PRKG1: variants seen among roughly 807,000 people sequenced by gnomAD.
PRKG1 encodes protein kinase cGMP-dependent 1, also known as cGMP-dependent protein kinase 1.
PRKG1 carries 35 observed loss-of-function variants against 88.1 expected under a neutral mutation model. The observed-to-expected ratio is 0.40, with a 90% CI of 0.30 to 0.53. The LOEUF is 0.53. Among genes scored for constraint, PRKG1 ranks in the 20% least tolerant of loss-of-function variants. The pLI, the probability that PRKG1 is intolerant of heterozygous loss-of-function variation, is 0.59. For synonymous variants in PRKG1, 303 were observed against 292.5 expected (o/e 1.04, Z -0.37); for missense variants, 540 against 839.8 (o/e 0.64, Z 4.41).
chr10:52,277,166 G>T (rs990544810), intron 12 of PRKG1, among the ~76,000 whole-genome samples: 1 of 152,116 alleles, frequency 6.6e-6, no homozygotes, highest in Non-Finnish European at 1.5e-5. Flanking sequence ...TTGCTTCGTG[G>T]TGAAAAAGGG....
At chr10:51,680,993 A>T (rs1044113052) in intron 3 of PRKG1, among the ~76,000 whole-genome samples, 1 of 152,206 alleles carries the variant, frequency 6.6e-6, no homozygotes, top group Non-Finnish European at 1.5e-5. Context: ...CATTTATACA[A>T]GTACACACGT....
At chr10:51,878,732 T>C (rs1000915426) in intron 4 of PRKG1, among the ~76,000 whole-genome samples, 1 of 152,146 alleles carries the variant, frequency 6.6e-6, no homozygotes, top group Non-Finnish European at 1.5e-5. Context: ...CACAAGCCAT[T>C]TTCCTTTCTT....
intron 5 of PRKG1, among the ~76,000 whole-genome samples, chr10:51,996,342 A>G (rs34532557): frequency 1.4e-5 from 2 of 146,236 alleles, no homozygotes; most frequent in Non-Finnish European, 3.0e-5. Context: ...AAAAAAAAAA[A>G]GATAACCTAC....
chr10:51,119,674 A>G (rs1174338335), intron 1 of PRKG1, among the ~76,000 whole-genome samples: 1 of 152,108 alleles, frequency 6.6e-6, no homozygotes, highest in Non-Finnish European at 1.5e-5. Context: ...TGGTCTAAAA[A>G]TATAATGACA....
intron 9 of PRKG1, among the ~76,000 whole-genome samples, chr10:52,174,658 C>T (rs1023195050): frequency 1.3e-5 from 2 of 151,798 alleles, no homozygotes; most frequent in East Asian, 1.9e-4. Flanking sequence ...CTATTTATTT[C>T]ATTCATAAGC....
chr10:51,612,686 A>G (rs1417408998), intron 3 of PRKG1, among the ~76,000 whole-genome samples: 1 of 152,026 alleles, frequency 6.6e-6, no homozygotes, highest in Non-Finnish European at 1.5e-5. Flanking sequence ...GAAAATGTGC[A>G]TCCTTGTCTT....
In PRKG1 at chr10:52,205,613, C is replaced by T. The variant is rs563676947; in HGVS notation, c.1076+43650C>T. Among the ~76,000 whole-genome samples the T allele has an allele frequency of 1.1e-4, 17 of 152,266 alleles. No individual in the cohort carries two copies. In the East Asian group the frequency reaches 3.3e-3, roughly 29 times the overall value. ...TCTTGTAAGGCAGGTCTGCTAGTAA[C>T]AAATTTCTTTAGCATCTGCTAGTCT... is the stretch of plus-strand genomic sequence containing the variant. On this transcript the variant is annotated intron_variant, in intron 9 of 17. Transcript: ENST00000373980.
At chr10:52,176,173 CTTTTTTT>C (rs140722137) in intron 9 of PRKG1, among the ~76,000 whole-genome samples, 37 of 95,682 alleles carry the variant, frequency 3.9e-4, no homozygotes, top group African/African-American at 1.3e-3. Flanking sequence ...TTCTTTTTCT[CTTTTTTT>C]TTTTTTTTTT....
chr10:51,784,692 G>A (rs936943275), intron 3 of PRKG1, among the ~76,000 whole-genome samples: 1 of 151,992 alleles, frequency 6.6e-6, no homozygotes. Context: ...CTTTATTCAG[G>A]CATTCACCTA....
intron 10 of PRKG1, among the ~76,000 whole-genome samples, chr10:52,256,258 T>G (rs1355659370): frequency 7.2e-6 from 1 of 139,400 alleles, no homozygotes; most frequent in Non-Finnish European, 1.6e-5. Context: ...CTAGAATAGA[T>G]GTAGTAATTG....
At chr10:51,218,490 C>CATATATATAT (rs869105973) in intron 2 of PRKG1, among the ~76,000 whole-genome samples, 18 of 40,772 alleles carry the variant, frequency 4.4e-4, no homozygotes, top group Non-Finnish European at 6.2e-4. Context: ...CATCTATCTT[C>CATATATATAT]ATATATATAT....
At chr10:52,018,073 G>T (rs1418759045) in intron 5 of PRKG1, among the ~76,000 whole-genome samples, 1 of 152,124 alleles carries the variant, frequency 6.6e-6, no homozygotes, top group Middle Eastern at 3.4e-3. Context: ...GTCATTTCAA[G>T]TTCAGTAGAG....
chr10:51,599,454 T>C (rs1838541205), intron 3 of PRKG1, among the ~76,000 whole-genome samples: 1 of 152,188 alleles, frequency 6.6e-6, no homozygotes. Flanking sequence ...ATTTGACTAC[T>C]TTTTACTTTT....
chr10:51,441,252 G>A (rs1397201685), intron 2 of PRKG1, among the ~76,000 whole-genome samples: 1 of 151,948 alleles, frequency 6.6e-6, no homozygotes, highest in Non-Finnish European at 1.5e-5. Flanking sequence ...TTTATGTTTA[G>A]TCAGTTTTGC....
At position 51,310,250 on chromosome 10, in the gene PRKG1, A is replaced by C. The variant is rs190977833; in HGVS notation, c.478+156920A>C. Among the ~76,000 whole-genome samples, 20 of 152,290 alleles carry C rather than the reference A, an allele frequency of 1.3e-4. No homozygotes were observed. The East Asian group carries it at 2.5e-3, about 19-fold the overall frequency. On this transcript the variant is annotated intron_variant, in intron 2 of 17. Coordinates refer to ENST00000373980, the MANE Select transcript of PRKG1 (RefSeq NM_006258.4). ...TGTACTTCTTAAATTTAAACCCCCC[A>C]AAAATTTCCTACAGTATCACTTGGA...
intron 3 of PRKG1, among the ~76,000 whole-genome samples, chr10:51,722,212 G>A (rs1375734976): frequency 6.6e-6 from 1 of 150,696 alleles, no homozygotes; most frequent in African/African-American, 2.4e-5. Flanking sequence ...CTGGGCAACA[G>A]AGCAAGACTC....
intron 10 of PRKG1, among the ~76,000 whole-genome samples, chr10:52,262,087 G>A (rs11001389): frequency 0.045 from 6,894 of 152,022 alleles, 244 homozygotes; most frequent in South Asian, 0.18. Context: ...TCAGTTGATT[G>A]GGACTACTAA....
At chr10:51,463,534 AG>A (rs1198982855) in intron 2 of PRKG1, among the ~76,000 whole-genome samples, 2 of 152,216 alleles carry the variant, frequency 1.3e-5, no homozygotes, top group African/African-American at 4.8e-5. Context: ...ATAAAACTAA[AG>A]GAATGGCCTC....
intron 5 of PRKG1, among the ~76,000 whole-genome samples, chr10:51,997,304 C>T (rs1844472682): frequency 6.6e-6 from 1 of 151,824 alleles, no homozygotes; most frequent in East Asian, 1.9e-4. Context: ...AACCCCGTCT[C>T]TACTAAAAAT....
Sources: allele counts gnomAD v4.1 joint callset (sites outside exome capture counted in the v4.1 genomes callset), GRCh38; gene constraint gnomAD v4.1.1; transcripts MANE v1.5; gene names NCBI Gene and HGNC (gene_info 2026-07-23, HGNC 2026-07-21).